The following B3GNT5 variants were observed in gnomAD, a reference collection of about 807,000 sequenced individuals.
The protein encoded by B3GNT5 is UDP-GlcNAc:betaGal beta-1,3-N-acetylglucosaminyltransferase 5.
A neutral mutation model predicts 25.9 loss-of-function variants in B3GNT5; 11 were observed. The observed-to-expected ratio is 0.42, with a 90% CI of 0.27 to 0.70. B3GNT5 has a LOEUF of 0.70. Among genes scored for constraint, B3GNT5 ranks in the 30% least tolerant of loss-of-function variants. The probability of loss-of-function intolerance (pLI) is 0.23; values close to 1 mark genes in which losing one functional copy is unlikely to be tolerated. For missense variants in B3GNT5, 385 were observed against 458.4 expected, an observed-to-expected ratio of 0.84 and a Z score of 1.46; for synonymous variants, 166 against 158.6, an observed-to-expected ratio of 1.05 and a Z score of -0.35.
Position 183,270,559 on chromosome 3 carries a change from C to A in B3GNT5, c.761C>A (p.Ala254Asp). The A allele has an allele frequency of 6.2e-7, 1 of 1,614,140 alleles. No individual in the cohort carries two copies. Among genetic ancestry groups the A allele is most frequent in the Non-Finnish European group, 8.5e-7 (1 of 1,180,024 alleles). Residue 254 changes from alanine to aspartate, a missense_variant, in exon 2 of 2, where the codon GCC becomes GAC. Ala to Asp is a moderately radical substitution (Grantham distance 126). Transcript: ENST00000326505. This position sits in a 1 kb window ranked among gnomAD's most constrained non-coding sequence, Gnocchi z 4.5. ...YQWPAYPDYT[A>D]GAAYVISGDV... The stretch of plus-strand genomic sequence containing the variant: ...TGGCCAGCTTACCCTGACTACACAG[C>A]CGGAGCTGCCTATGTAATCTCCGGT...
chr3:183,263,267 T>C (rs1725788310), intron 1 of B3GNT5, among the ~76,000 whole-genome samples: 1 of 152,148 alleles, frequency 6.6e-6, no homozygotes, highest in South Asian at 2.1e-4. Flanking sequence ...GTAAGTCTAC[T>C]GAATAAAATG....
Position 183,267,174 on chromosome 3 carries a change from A to G in B3GNT5, c.-301-2324A>G, listed in dbSNP as rs1410626812. 1.3e-5 allele frequency among the ~76,000 whole-genome samples: 2 copies of G among 152,204 alleles called. No homozygotes were observed. The highest frequency in any genetic ancestry group is 2.4e-5 in the African/African-American group (1 of 41,448). On this transcript the variant is annotated intron_variant, in intron 1 of 1. Transcript: ENST00000326505. The surrounding 1 kb of genome is among the most constrained non-coding windows in gnomAD (Gnocchi z 5.5). ...ACAGAAAACCCAAAAGTTTCACAAA[A>G]TGATTCTTGCTCTTACTACTCTCAG...
chr3:183,253,339 T>G lies in B3GNT5; in HGVS notation c.-435T>G, dbSNP rs1361972234. 6.6e-6 allele frequency: 1 copy of G among 152,150 alleles called. No individual in the cohort carries two copies. The highest frequency in any genetic ancestry group is 1.5e-5 in the Non-Finnish European group (1 of 68,040). The allele number at this position is 152,150 out of a possible 1,614,324, so 9.4% of individuals were successfully genotyped here. On this transcript the variant is annotated 5_prime_UTR_variant, in exon 1 of 2. Coordinates refer to ENST00000326505, the MANE Select transcript of B3GNT5 (RefSeq NM_032047.5). ...GCCCAAGATTTAAAGCCCGCAAGTT[T>G]TGTTCTTGAGACCAGCGACTTTAGC...
chr3:183,254,863 T>C (rs1724894244), intron 1 of B3GNT5: 1 of 152,272 alleles, frequency 6.6e-6, no homozygotes, highest in African/African-American at 2.4e-5. Flanking sequence ...ACTCTTTCCT[T>C]TGACTCTGCC....
At position 183,270,624 on chromosome 3, in the gene B3GNT5, A is replaced by G; in HGVS notation, c.826A>G (p.Asn276Asp). ...AKVYEASQTLNSSLYIDDVFM... is the reference protein window; with the variant it reads ...AKVYEASQTLDSSLYIDDVFM... ...AGTCTATGAGGCATCACAGACACTA[A>G]ATTCAAGTCTTTACATAGACGATGT... is the stretch of plus-strand genomic sequence containing the variant. Residue 276 changes from asparagine (N) to aspartate (D), a missense_variant, in exon 2 of 2, where the codon AAT becomes GAT. By Grantham distance (23) the Asn-to-Asp change is conservative. Transcript: ENST00000326505. The surrounding 1 kb of genome is among the most constrained non-coding windows in gnomAD (Gnocchi z 4.5). 1 of 1,614,202 alleles carries G rather than the reference A, an allele frequency of 6.2e-7. No individual in the cohort carries two copies.
chr3:183,270,472 G>A lies in B3GNT5; in HGVS notation c.674G>A (p.Arg225His). 3 of 1,614,122 alleles carry A rather than the reference G, an allele frequency of 1.9e-6. No homozygotes were observed. Among genetic ancestry groups the A allele is most frequent in the Admixed American group, 1.7e-5 (1 of 60,022 alleles). ...GACTTTTGGATTGGTCGTGTTCATC[G>A]TGGTGCCCCTCCCATTAGAGATAAA... ...VQDFWIGRVH[R>H]GAPPIRDKSS... The change falls in exon 2 of 2, where the codon CGT (arginine) becomes CAT (histidine). Residue 225 changes from arginine (R) to histidine (H), a missense_variant. By Grantham distance (29) the Arg-to-His change is conservative (BLOSUM62 0). Coordinates refer to ENST00000326505, the MANE Select transcript of B3GNT5 (RefSeq NM_032047.5). The surrounding 1 kb of genome is among the most constrained non-coding windows in gnomAD (Gnocchi z 4.5).
At position 183,270,803 on chromosome 3, in the gene B3GNT5, T is replaced by A. The variant is rs753562483; in HGVS notation, c.1005T>A (p.Asn335Lys). The A allele has an allele frequency of 6.2e-7, 1 of 1,614,094 alleles. No individual in the cohort carries two copies. Among genetic ancestry groups the A allele is most frequent in the South Asian group, 1.1e-5 (1 of 91,064 alleles). Residue 335 changes from asparagine (N) to lysine (K), a missense_variant, in exon 2 of 2, where the codon AAT becomes AAA. Coordinates refer to ENST00000326505, the MANE Select transcript of B3GNT5 (RefSeq NM_032047.5). The surrounding 1 kb of genome is among the most constrained non-coding windows in gnomAD (Gnocchi z 4.5). ...HLEDLQDLWK[N>K]ATDPKVKTIS... ...AAGATCTCCAGGACCTTTGGAAGAA[T>A]GCTACAGATCCTAAAGTAAAAACCA... is the stretch of plus-strand genomic sequence containing the variant.
At chr3:183,253,706 G>C (rs2108390290) in intron 1 of B3GNT5, 2 of 152,504 alleles carry the variant, frequency 1.3e-5, no homozygotes, top group South Asian at 4.1e-4. Flanking sequence ...GCGGCGCTGC[G>C]GAACCGGTGT....
chr3:183,258,955 A>G (rs1204991351), intron 1 of B3GNT5, among the ~76,000 whole-genome samples: 1 of 152,220 alleles, frequency 6.6e-6, no homozygotes, highest in African/African-American at 2.4e-5. Context: ...TATGTAAACA[A>G]TTGTTACACG....
rs978818495 is a variant in B3GNT5 at position 183,267,203 on chromosome 3, A to G, written c.-301-2295A>G. ...TTCTTGCTCTTACTACTCTCAGTAC[A>G]CTCTGTATTTAAAAAAAAAAATGCT... On this transcript the variant is annotated intron_variant, in intron 1 of 1. Transcript: ENST00000326505. The surrounding 1 kb of genome is among the most constrained non-coding windows in gnomAD (Gnocchi z 5.5). 2.0e-5 allele frequency among the ~76,000 whole-genome samples: 3 copies of G among 151,424 alleles called. No individual in the cohort carries two copies. Among genetic ancestry groups the G allele is most frequent in the Admixed American group, 1.3e-4 (2 of 15,254 alleles).
intron 1 of B3GNT5, among the ~76,000 whole-genome samples, chr3:183,259,094 C>T (rs1366011234): frequency 6.6e-6 from 1 of 152,152 alleles, no homozygotes; most frequent in African/African-American, 2.4e-5. Context: ...CATGAACGTA[C>T]ACGACCAACT....
chr3:183,263,165 A>C (rs1425593418), intron 1 of B3GNT5, among the ~76,000 whole-genome samples: 1 of 152,146 alleles, frequency 6.6e-6, no homozygotes, highest in Non-Finnish European at 1.5e-5. Flanking sequence ...CATGTAAACA[A>C]CTTCCTGGCT....
intron 1 of B3GNT5, chr3:183,254,772 C>G (rs1489394922): frequency 6.6e-6 from 1 of 152,302 alleles, no homozygotes; most frequent in East Asian, 1.9e-4. Flanking sequence ...CGGCGAGTTA[C>G]TGGCGGGGGA....
intron 1 of B3GNT5, among the ~76,000 whole-genome samples, chr3:183,262,839 A>T (rs1725745305): frequency 6.6e-6 from 1 of 152,100 alleles, no homozygotes; most frequent in African/African-American, 2.4e-5. Flanking sequence ...TCAAAGCTAG[A>T]TAGTGCCATT....
rs1349677640 is a variant in B3GNT5 at position 183,271,414 on chromosome 3, A to G, written c.*479A>G. 1.2e-5 allele frequency: 2 copies of G among 167,390 alleles called. No individual in the cohort carries two copies. The highest frequency in any genetic ancestry group is 2.9e-5 in the Non-Finnish European group (2 of 68,340). The allele number at this position is 167,390 out of a possible 1,614,324, so 10.4% of individuals were successfully genotyped here. A position where few individuals can be genotyped will look rare whatever the true frequency, so the allele number is the denominator to read the frequency against. On this transcript the variant is annotated 3_prime_UTR_variant, in exon 2 of 2. Coordinates refer to ENST00000326505, the MANE Select transcript of B3GNT5 (RefSeq NM_032047.5). ...AAGGTCAGCATAGGAGAGAAAGTTC[A>G]TGAATCTGGTAAAACAGTCTCTTGT...
In B3GNT5 at chr3:183,262,125, G is replaced by A. The variant is rs116070716; in HGVS notation, c.-301-7373G>A. Among the ~76,000 whole-genome samples, 457 of 125,212 alleles carry A rather than the reference G, an allele frequency of 3.6e-3. 1 individual carries two copies. Among genetic ancestry groups the A allele is most frequent in the African/African-American group, 0.018 (422 of 22,920 alleles). The allele number at this position is 125,212 out of a possible 152,430, so 82.1% of individuals were successfully genotyped here. ...TAATACTAATACAAGGATTAGTATC[G>A]TTTTATGATACTTTATTATATACAC... On this transcript the variant is annotated intron_variant, in intron 1 of 1. Coordinates refer to ENST00000326505, the MANE Select transcript of B3GNT5 (RefSeq NM_032047.5).
At position 183,269,847 on chromosome 3, in the gene B3GNT5, A is replaced by G. The variant is rs1469174086; in HGVS notation, c.49A>G (p.Ile17Val). 6.2e-7 allele frequency: 1 copy of G among 1,613,310 alleles called. No individual in the cohort carries two copies. ...AAGAGTCAAAAAATGGCAGTTAATT[A>G]TTCAGTTATTTGCTACTTGTTTTTT... ...GRRVKKWQLIIQLFATCFLAS... is the reference protein window; with the variant it reads ...GRRVKKWQLIVQLFATCFLAS... The change falls in exon 2 of 2, where the codon ATT becomes GTT. Residue 17 changes from isoleucine (I) to valine (V), a missense_variant. By Grantham distance (29) the Ile-to-Val change is conservative. Transcript: ENST00000326505.
rs1726857071 is a variant in B3GNT5, at chr3:183,272,425, G to A, written c.*1490G>A. 2.0e-6 allele frequency: 2 copies of A among 999,996 alleles called. No individual in the cohort carries two copies. The highest frequency in any genetic ancestry group is 6.2e-5 in the Admixed American group (1 of 16,252). 61.9% of individuals were successfully genotyped at this position (999,996 alleles called of 1,614,324 possible). A position where few individuals can be genotyped will look rare whatever the true frequency, so the allele number is the denominator to read the frequency against. On this transcript the variant is annotated 3_prime_UTR_variant, in exon 2 of 2. Transcript: ENST00000326505. ...TATAATAAGGTGATGTCGGAAACAC[G>A]CAAAACAAAACGAAAAAAGATTTCT...
At chr3:183,259,964 GCAAAT>G (rs1323132153) in intron 1 of B3GNT5, among the ~76,000 whole-genome samples, 1 of 152,190 alleles carries the variant, frequency 6.6e-6, no homozygotes, top group East Asian at 1.9e-4. Flanking sequence ...TGGCAGTGAA[GCAAAT>G]TCTCATCCAT....
Sources: allele counts gnomAD v4.1 joint callset (sites outside exome capture counted in the v4.1 genomes callset), GRCh38; gene constraint gnomAD v4.1.1; non-coding constraint Gnocchi (gnomAD v3.1); transcripts MANE v1.5; gene names NCBI Gene and HGNC (gene_info 2026-07-23, HGNC 2026-07-21).